Variants in NDRG1 observed in about 807,000 individuals in gnomAD.
The protein encoded by NDRG1 is protein NDRG1.
NDRG1 carries 32 observed loss-of-function variants against 56.9 expected under a neutral mutation model. The ratio of observed to expected loss-of-function variants is 0.56; its 90% CI spans 0.42 to 0.76. The LOEUF (loss-of-function observed/expected upper bound fraction) is 0.76. Ranked by LOEUF, NDRG1 falls within the 30% of genes least tolerant of loss-of-function variation. NDRG1 has a pLI of 0.00. For missense variants in NDRG1, 507 were observed against 545.7 expected (o/e 0.93, Z 0.71); for synonymous variants, 211 against 204.1 (o/e 1.03, Z -0.29).
chr8:133,262,139 G>A lies in NDRG1; in HGVS notation c.234C>T (p.Asn78=), dbSNP rs771571627. 1 of 1,614,054 alleles carries A rather than the reference G, an allele frequency of 6.2e-7. No homozygotes were observed. Among genetic ancestry groups the A allele is most frequent in the East Asian group, 2.2e-5 (1 of 44,880 alleles). Residue 78 remains asparagine (N), a synonymous_variant, in exon 5 of 16, where the codon AAC becomes AAT. Coordinates refer to ENST00000323851, the MANE Select transcript of NDRG1 (RefSeq NM_006096.4). ...GGGTGATCTCCTGCATGTCCTCGTA[G>A]TTGAAGAGGGGGTTGTAGCAGGTTT... is the stretch of plus-strand genomic sequence containing the variant. ...NHKTCYNPLF[N]YEDMQEITQH... is the part of the protein sequence containing the mutation.
rs758628363 is a variant in NDRG1, at chr8:133,264,505, T to C, written c.205+42A>G. On this transcript the variant is annotated intron_variant, in intron 4 of 15. Transcript: ENST00000323851. ...CGGCTGCCTTTTTCCGCCACTCTCTTGGGAACCGGCTGACAGGGAATCAGA... is the reference window on the plus strand; with the variant it reads ...CGGCTGCCTTTTTCCGCCACTCTCTCGGGAACCGGCTGACAGGGAATCAGA... 12 of 1,592,002 alleles carry C rather than the reference T, an allele frequency of 7.5e-6. No homozygotes were observed. In the South Asian group the frequency reaches 1.3e-4, roughly 18 times the overall value.
intron 3 of NDRG1, among the ~76,000 whole-genome samples, chr8:133,278,462 C>G (rs1486051895): frequency 6.6e-6 from 1 of 152,114 alleles, no homozygotes; most frequent in Middle Eastern, 3.2e-3. Context: ...GGAGCACCTT[C>G]GCATGCCCAG....
At chr8:133,246,733 G>T in intron 12 of NDRG1, 70 bp from the exon 13 acceptor site, 1 of 1,335,716 alleles carries the variant, frequency 7.5e-7, no homozygotes, top group South Asian at 1.2e-5. Context: ...CCCCTTCTCC[G>T]CCACTCTGCC....
At chr8:133,282,052 G>A (rs189777802) in intron 2 of NDRG1, among the ~76,000 whole-genome samples, 13 of 152,292 alleles carry the variant, frequency 8.5e-5, no homozygotes, top group South Asian at 2.1e-4. Context: ...ATTTATTTCC[G>A]TCTAAACCTT....
At chr8:133,284,613 G>T in intron 1 of NDRG1, 1 of 493,818 alleles carries the variant, frequency 2.0e-6, no homozygotes, top group Admixed American at 2.9e-5. Flanking sequence ...CTCACAAACA[G>T]GTCCCCATAC....
At chr8:133,255,666 G>A (rs1027712803) in intron 8 of NDRG1, 3 of 279,246 alleles carry the variant, frequency 1.1e-5, no homozygotes, top group Non-Finnish European at 2.1e-5. Context: ...GCATTCTGGA[G>A]GAATGTTCAA....
intron 3 of NDRG1, among the ~76,000 whole-genome samples, chr8:133,266,889 C>G (rs569039254): frequency 6.6e-6 from 1 of 152,110 alleles, no homozygotes; most frequent in Non-Finnish European, 1.5e-5. Context: ...GGGAATGGGA[C>G]CAGGAAAGCC....
chr8:133,257,639 G>A (rs879491867), intron 7 of NDRG1, among the ~76,000 whole-genome samples: 6 of 152,178 alleles, frequency 3.9e-5, no homozygotes, highest in Non-Finnish European at 5.9e-5. Context: ...ACTGTCAAAT[G>A]TGCAGTCTGT....
chr8:133,237,248 T>C lies in NDRG1; in HGVS notation c.*1630A>G. 8.7e-6 allele frequency: 2 copies of C among 228,996 alleles called. No individual in the cohort carries two copies. Among genetic ancestry groups the C allele is most frequent in the South Asian group, 3.6e-4 (2 of 5,488 alleles). 14.2% of individuals were successfully genotyped at this position (228,996 alleles called of 1,614,324 possible). On this transcript the variant is annotated 3_prime_UTR_variant, in exon 16 of 16. Transcript: ENST00000323851. ...TAAGAAACTCCTCTGGAAAGACTTG[T>C]GCACAATAGTTTCCCATCCGTACTC...
intron 12 of NDRG1, among the ~76,000 whole-genome samples, chr8:133,247,271 C>T (rs1855740758): frequency 6.6e-6 from 1 of 152,212 alleles, no homozygotes; most frequent in South Asian, 2.1e-4. Context: ...TCATGGTTCA[C>T]TAAGGCATGC....
chr8:133,285,035 G>T (rs1858030453), intron 1 of NDRG1: 1 of 357,400 alleles, frequency 2.8e-6, no homozygotes, highest in African/African-American at 2.1e-5. Context: ...TGGACCAGAG[G>T]GGTTACCTGT....
At chr8:133,264,444 A>G in intron 4 of NDRG1, 103 bp downstream of exon 4, 1 of 1,085,050 alleles carries the variant, frequency 9.2e-7, no homozygotes, top group South Asian at 1.3e-5. Flanking sequence ...GTCCCAGGCA[A>G]AAAGAAACCA....
intron 3 of NDRG1, among the ~76,000 whole-genome samples, chr8:133,271,778 T>TAAAA (rs66733314): frequency 3.6e-4 from 11 of 30,488 alleles, no homozygotes; most frequent in African/African-American, 1.2e-3. Context: ...AGACCCTGTC[T>TAAAA]AAAAAAAAAA....
rs1337997229 is a variant in NDRG1 at position 133,242,067 on chromosome 8, T to C, written c.899A>G (p.Lys300Arg). The C allele has an allele frequency of 3.1e-6, 5 of 1,614,076 alleles. No individual in the cohort carries two copies. The highest frequency in any genetic ancestry group is 2.2e-5 in the South Asian group (2 of 91,088). Residue 300 changes from lysine to arginine, a missense_variant, in exon 15 of 16, where the codon AAG becomes AGG. Transcript: ENST00000323851. ...GGLPQISQPA[K>R]LAEAFKYFVQ... is the part of the protein sequence containing the mutation. ...GAAGTACTTGAAGGCCTCAGCGAGCTTGGCCGGCTGCGAGAGACAAGGAGA... is the reference window on the plus strand; with the variant it reads ...GAAGTACTTGAAGGCCTCAGCGAGCCTGGCCGGCTGCGAGAGACAAGGAGA...
At chr8:133,249,641 AG>A (rs1855900854) in intron 10 of NDRG1, among the ~76,000 whole-genome samples, 1 of 152,182 alleles carries the variant, frequency 6.6e-6, no homozygotes, top group African/African-American at 2.4e-5. Flanking sequence ...GACTCGCTCC[AG>A]TTCTCAGAAA....
At chr8:133,284,173 G>A in intron 2 of NDRG1, 76 bp downstream of exon 2, 1 of 1,382,072 alleles carries the variant, frequency 7.2e-7, no homozygotes, top group South Asian at 1.2e-5. Context: ...AAGTACAAGT[G>A]TGAGCTCCGG....
At chr8:133,259,991 C>A (rs969238441) in intron 5 of NDRG1, among the ~76,000 whole-genome samples, 1 of 152,148 alleles carries the variant, frequency 6.6e-6, no homozygotes, top group African/African-American at 2.4e-5. Context: ...CCAGAAAGAG[C>A]CCGTATGGTG....
At chr8:133,252,449 G>A (rs1045810207) in intron 9 of NDRG1, among the ~76,000 whole-genome samples, 1 of 152,164 alleles carries the variant, frequency 6.6e-6, no homozygotes, top group Non-Finnish European at 1.5e-5. Flanking sequence ...AGAAGCCACA[G>A]GAAACCAACA....
chr8:133,239,244 C>CTGCAGGG, intron 15 of NDRG1, 125 bp from the exon 16 acceptor site: 1 of 1,436,912 alleles, frequency 7.0e-7, no homozygotes, highest in Non-Finnish European at 9.5e-7. Flanking sequence ...TCCCTGCAGC[C>CTGCAGGG]ATCCAGCTGC....
Sources: gnomAD v4.1 joint callset for allele counts (sites outside exome capture counted in the v4.1 genomes callset) on GRCh38, gnomAD v4.1.1 for gene constraint, MANE v1.5 for transcripts, NCBI Gene and HGNC (gene_info 2026-07-23, HGNC 2026-07-21) for gene names.